The following ATRNL1 variants were observed in gnomAD, a reference collection of about 807,000 sequenced individuals.
The protein encoded by ATRNL1 is attractin like 1.
Under a neutral mutation model 182.7 loss-of-function variants are expected in ATRNL1, and 95 were observed. That is an observed-to-expected ratio of 0.52 (90% confidence interval 0.44 to 0.62). The LOEUF (loss-of-function observed/expected upper bound fraction) is 0.62, where lower values mean the gene tolerates loss of function less well. Ranked by LOEUF, ATRNL1 falls within the 20% of genes least tolerant of loss-of-function variation. The pLI, the probability that ATRNL1 is intolerant of heterozygous loss-of-function variation, is 0.00. For missense variants in ATRNL1, 1,471 were observed against 1,679.5 expected, an observed-to-expected ratio of 0.88 and a Z score of 2.17; for synonymous variants, 576 against 568.3, an observed-to-expected ratio of 1.01 and a Z score of -0.19.
Position 115,861,906 on chromosome 10 carries a change from C to A in ATRNL1, c.4018+13915C>A, listed in dbSNP as rs1951325069. On this transcript the variant is annotated intron_variant, in intron 28 of 28. Coordinates refer to ENST00000355044, the MANE Select transcript of ATRNL1 (RefSeq NM_207303.4). ...ATCGCTTGAGGCCAGGAGTCTGAGA[C>A]AAACCCAGGCAACATAGTGAGACCC... Among the ~76,000 whole-genome samples the A allele has an allele frequency of 2.6e-5, 4 of 151,976 alleles. No individual in the cohort carries two copies. In the South Asian group the frequency reaches 8.3e-4, roughly 32 times the overall value.
chr10:115,210,071 G>A (rs1305578027), intron 8 of ATRNL1, among the ~76,000 whole-genome samples: 2 of 151,916 alleles, frequency 1.3e-5, no homozygotes, highest in Non-Finnish European at 2.9e-5. Flanking sequence ...AAGTAGTTAA[G>A]TGAAATACTG....
chr10:115,118,689 A>C (rs1564748296), intron 1 of ATRNL1, among the ~76,000 whole-genome samples: 1 of 152,104 alleles, frequency 6.6e-6, no homozygotes. Flanking sequence ...GAGGCTACTA[A>C]ATGCACTCTC....
At chr10:115,246,019 TTTAA>T (rs1554904009) in intron 10 of ATRNL1, among the ~76,000 whole-genome samples, 16 of 152,196 alleles carry the variant, frequency 1.1e-4, no homozygotes, top group Non-Finnish European at 1.9e-4. Flanking sequence ...GAAATAGTAG[TTTAA>T]TCTTTTTTAA....
intron 9 of ATRNL1, among the ~76,000 whole-genome samples, chr10:115,219,735 T>A (rs1297891744): frequency 6.6e-6 from 1 of 152,076 alleles, no homozygotes; most frequent in Non-Finnish European, 1.5e-5. Flanking sequence ...AAACCCCATC[T>A]CTACTAAAAA....
intron 5 of ATRNL1, among the ~76,000 whole-genome samples, chr10:115,145,077 A>G (rs1845915268): frequency 6.6e-6 from 1 of 152,154 alleles, no homozygotes; most frequent in Non-Finnish European, 1.5e-5. Flanking sequence ...ATTATTTTAG[A>G]TGTTTTTGAA....
At chr10:115,275,454 C>G (rs1852061834) in intron 13 of ATRNL1, among the ~76,000 whole-genome samples, 1 of 152,170 alleles carries the variant, frequency 6.6e-6, no homozygotes, top group African/African-American at 2.4e-5. Context: ...CTCCTAGGAG[C>G]AACTTCATGC....
chr10:115,894,423 T>A (rs1377620719), intron 28 of ATRNL1, among the ~76,000 whole-genome samples: 2 of 152,212 alleles, frequency 1.3e-5, no homozygotes, highest in Non-Finnish European at 2.9e-5. Flanking sequence ...CATATAGATG[T>A]AATGTATGTA....
At chr10:115,780,898 C>T (rs79452971) in intron 27 of ATRNL1, among the ~76,000 whole-genome samples, 1,971 of 152,200 alleles carry the variant, frequency 0.013, 38 homozygotes, top group African/African-American at 0.044. Flanking sequence ...CCAGCTGTGG[C>T]GGCTACAGTG....
chr10:115,495,865 G>T (rs10885727), intron 24 of ATRNL1, among the ~76,000 whole-genome samples: 94,560 of 151,536 alleles, frequency 0.62, 30,594 homozygotes, highest in Non-Finnish European at 0.71. Flanking sequence ...GTTCAGGTTC[G>T]GAATATTTTT....
At chr10:115,613,250 T>C (rs1555019626) in intron 26 of ATRNL1, among the ~76,000 whole-genome samples, 8 of 152,230 alleles carry the variant, frequency 5.3e-5, no homozygotes. Context: ...GAGATACTGA[T>C]CTTTATCAAA....
chr10:115,378,007 G>A (rs782640446), intron 19 of ATRNL1, among the ~76,000 whole-genome samples: 12 of 152,088 alleles, frequency 7.9e-5, no homozygotes, highest in Admixed American at 1.3e-4. Context: ...TGTAAGGGCT[G>A]CCACTGGATT....
intron 21 of ATRNL1, among the ~76,000 whole-genome samples, chr10:115,430,877 A>G (rs1846126630): frequency 6.6e-6 from 1 of 152,132 alleles, no homozygotes; most frequent in Non-Finnish European, 1.5e-5. Context: ...TGCAATGAAA[A>G]GGTCAACCTC....
At chr10:115,430,188 A>G (rs2134409563) in intron 21 of ATRNL1, among the ~76,000 whole-genome samples, 1 of 152,344 alleles carries the variant, frequency 6.6e-6, no homozygotes, top group East Asian at 1.9e-4. Context: ...TTAAAACTTT[A>G]AATAAAAATT....
chr10:115,116,411 A>C (rs1487993355), intron 1 of ATRNL1, among the ~76,000 whole-genome samples: 1 of 152,116 alleles, frequency 6.6e-6, no homozygotes, highest in Non-Finnish European at 1.5e-5. Context: ...AGCACTACAC[A>C]ATTGGAATGT....
intron 19 of ATRNL1, among the ~76,000 whole-genome samples, chr10:115,348,120 C>T (rs1213873390): frequency 3.9e-5 from 6 of 152,120 alleles, no homozygotes; most frequent in Admixed American, 1.3e-4. Context: ...ACGACAGGCA[C>T]GCGCCACTGC....
chr10:115,219,245 A>AAC (rs1849351158), intron 9 of ATRNL1, among the ~76,000 whole-genome samples: 1 of 151,936 alleles, frequency 6.6e-6, no homozygotes, highest in African/African-American at 2.4e-5. Flanking sequence ...AAAAAAAAAA[A>AAC]AAAAGAAAAA....
chr10:115,652,678 G>A lies in ATRNL1; in HGVS notation c.3796-74570G>A, dbSNP rs1031942887. The stretch of plus-strand genomic sequence containing the variant: ...ATTCGAGGTCTCATATACTGTAAAA[G>A]CATCAGAATGAGTGCATACCATTCT... On this transcript the variant is annotated intron_variant, in intron 26 of 28. Coordinates refer to ENST00000355044, the MANE Select transcript of ATRNL1 (RefSeq NM_207303.4). Among the ~76,000 whole-genome samples, 11 of 152,084 alleles carry A rather than the reference G, an allele frequency of 7.2e-5. 1 individual carries two copies. Among genetic ancestry groups the A allele is most frequent in the African/African-American group, 2.2e-4 (9 of 41,516 alleles).
Position 115,725,159 on chromosome 10 carries a change from A to G in ATRNL1, c.3796-2089A>G, listed in dbSNP as rs373395050. ...AGAATATTTTTCTTGTTCTTTACATAAAGTAATTTAGTAGGCATTCAGTTC... is the reference window on the plus strand; with the variant it reads ...AGAATATTTTTCTTGTTCTTTACATGAAGTAATTTAGTAGGCATTCAGTTC... On this transcript the variant is annotated intron_variant, in intron 26 of 28. Transcript: ENST00000355044. 5.9e-5 allele frequency among the ~76,000 whole-genome samples: 9 copies of G among 152,288 alleles called. No homozygotes were observed. In the East Asian group the frequency reaches 1.7e-3, roughly 29 times the overall value.
intron 21 of ATRNL1, among the ~76,000 whole-genome samples, chr10:115,427,082 A>T (rs536819857): frequency 7.2e-5 from 11 of 152,334 alleles, no homozygotes; most frequent in Admixed American, 1.3e-4. Context: ...GTACCATTTT[A>T]CATTCCCACC....
Sources: allele counts gnomAD v4.1 joint callset (sites outside exome capture counted in the v4.1 genomes callset), GRCh38; gene constraint gnomAD v4.1.1; transcripts MANE v1.5; gene names NCBI Gene and HGNC (gene_info 2026-07-23, HGNC 2026-07-21).